The following FBN1 variants were observed in gnomAD, a reference collection of about 807,000 sequenced individuals.
FBN1 encodes fibrillin 1.
Under a neutral mutation model 365.1 loss-of-function variants are expected in FBN1, and 29 were observed. The ratio of observed to expected loss-of-function variants is 0.08; its 90% CI spans 0.06 to 0.11. The LOEUF is 0.11. FBN1 is among the 10% of genes least tolerant of loss of function. The pLI, the probability that FBN1 is intolerant of heterozygous loss-of-function variation, is 1.00. For synonymous variants in FBN1, 1,210 were observed against 1,270.5 expected, an observed-to-expected ratio of 0.95 and a Z score of 1.01; for missense variants, 2,476 against 3,703.2, an observed-to-expected ratio of 0.67 and a Z score of 8.60.
intron 2 of FBN1, among the ~76,000 whole-genome samples, chr15:48,627,817 C>G (rs1234969077): frequency 6.6e-6 from 1 of 152,176 alleles, no homozygotes; most frequent in Non-Finnish European, 1.5e-5. Context: ...CCTCTCAGCA[C>G]CCTTCCAGCT....
At chr15:48,466,855 T>C (rs1392159145) in intron 38 of FBN1, among the ~76,000 whole-genome samples, 1 of 152,082 alleles carries the variant, frequency 6.6e-6, no homozygotes, top group Non-Finnish European at 1.5e-5. Context: ...TTTTTGAATT[T>C]CTTCTTTCAT....
rs1354257178 is a variant in FBN1, at chr15:48,537,641, T to G, written c.706A>C (p.Ile236Leu). 6.2e-7 allele frequency: 1 copy of G among 1,614,114 alleles called. No homozygotes were observed. The highest frequency in any genetic ancestry group is 8.5e-7 in the Non-Finnish European group (1 of 1,180,042). The change falls in exon 7 of 66, where the codon ATT (isoleucine) becomes CTT (leucine). Residue 236 changes from isoleucine to leucine, a missense_variant. Physicochemically the swap from Ile to Leu is conservative, Grantham distance 5. Transcript: ENST00000316623. ...CAAGCTCCCGTGCGGATATTTGGAATGAAGCCACGGCGGCAGGGGTGAGGC... is the reference window on the plus strand; with the variant it reads ...CAAGCTCCCGTGCGGATATTTGGAAGGAAGCCACGGCGGCAGGGGTGAGGC... ...AQPHPCRRGF[I>L]PNIRTGACQD...
intron 6 of FBN1, among the ~76,000 whole-genome samples, chr15:48,575,150 G>T (rs1227798726): frequency 6.6e-6 from 1 of 152,202 alleles, no homozygotes; most frequent in African/African-American, 2.4e-5. Flanking sequence ...GATGGCCCCT[G>T]CCCACAATCA....
chr15:48,496,077 A>G (rs367624538), intron 20 of FBN1, 23 bp downstream of exon 20: 9 of 1,613,588 alleles, frequency 5.6e-6, no homozygotes, highest in Admixed American at 1.7e-5. Context: ...AGTACACAGT[A>G]TAAGAACAAA....
At chr15:48,550,237 G>A (rs554475754) in intron 6 of FBN1, among the ~76,000 whole-genome samples, 10 of 152,334 alleles carry the variant, frequency 6.6e-5, no homozygotes, top group Admixed American at 5.2e-4. Context: ...GCTTCAGCTA[G>A]GTTAGGAAGA....
In FBN1 at chr15:48,510,110, C is replaced by A; in HGVS notation, c.1648G>T (p.Asp550Tyr). 2 of 1,613,446 alleles carry A rather than the reference C, an allele frequency of 1.2e-6. No homozygotes were observed. Among genetic ancestry groups the A allele is most frequent in the Non-Finnish European group, 8.5e-7 (1 of 1,179,570 alleles). Residue 550 changes from aspartate to tyrosine, a missense_variant, in exon 14 of 66, where the codon GAT becomes TAT. Coordinates refer to ENST00000316623, the MANE Select transcript of FBN1 (RefSeq NM_000138.5). ...ICNNGRCINT[D>Y]GSFHCVCNAG... The stretch of plus-strand genomic sequence containing the variant: ...TTACACACGCAATGAAAACTGCCAT[C>A]TGTGTTGATGCAGCGTCCATTATTG...
Position 48,411,108 on chromosome 15 carries a change from C to G in FBN1, c.8498G>C (p.Ser2833Thr), listed in dbSNP as rs549604448. ...VAGTYSLQIS[S>T]TPLYKKKELN... ...TTCTTTCTTTTTATAAAGTGGAGTACTACTGATTTGTAATGAATAGGTTCC... is the reference window on the plus strand; with the variant it reads ...TTCTTTCTTTTTATAAAGTGGAGTAGTACTGATTTGTAATGAATAGGTTCC... The change falls in exon 66 of 66, where the codon AGT (serine) becomes ACT (threonine). Residue 2833 changes from serine (S) to threonine (T), a missense_variant. This residue lies in a region of FBN1 where 177 missense variants were observed against 192.7 expected (regional missense o/e 0.92). Transcript: ENST00000316623. The G allele has an allele frequency of 6.2e-7, 1 of 1,614,072 alleles. No individual in the cohort carries two copies. Among genetic ancestry groups the G allele is most frequent in the Non-Finnish European group, 8.5e-7 (1 of 1,180,006 alleles).
At chr15:48,619,437 CATCTG>C (rs1889724024) in intron 2 of FBN1, among the ~76,000 whole-genome samples, 1 of 152,022 alleles carries the variant, frequency 6.6e-6, no homozygotes, top group Non-Finnish European at 1.5e-5. Flanking sequence ...AGCCATGGTC[CATCTG>C]TTTCTCTCTC....
Position 48,624,596 on chromosome 15 carries a change from A to C in FBN1, c.165-11504T>G, listed in dbSNP as rs570064381. On this transcript the variant is annotated intron_variant, in intron 2 of 65. Coordinates refer to ENST00000316623, the MANE Select transcript of FBN1 (RefSeq NM_000138.5). Reference sequence around the variant, plus strand: ...CAAATGTTTGCTTCTGGAGCATCTGAGAGGATATGGCCAATGACACGATGA... The same window carrying C: ...CAAATGTTTGCTTCTGGAGCATCTGCGAGGATATGGCCAATGACACGATGA... 2.6e-5 allele frequency among the ~76,000 whole-genome samples: 4 copies of C among 152,350 alleles called. No homozygotes were observed. In the South Asian group the frequency reaches 8.3e-4, roughly 32 times the overall value.
chr15:48,505,125 A>G lies in FBN1; in HGVS notation c.1860T>C (p.Pro620=), dbSNP rs1555399834. 1.9e-6 allele frequency: 3 copies of G among 1,614,214 alleles called. No individual in the cohort carries two copies. The highest frequency in any genetic ancestry group is 2.5e-6 in the Non-Finnish European group (3 of 1,180,016). The change falls in exon 16 of 66, where the codon CCT becomes CCC. Residue 620 remains proline, a synonymous_variant. Coordinates refer to ENST00000316623, the MANE Select transcript of FBN1 (RefSeq NM_000138.5). ...CGCAACGCCCATTCATGCAGATCCC[A>G]GGGGTTTCACACTCGTTAATGTCTG... ...YCKDINECET[P]GICMNGRCVN...
chr15:48,480,039 C>G (rs1429543710), intron 32 of FBN1, among the ~76,000 whole-genome samples: 1 of 152,090 alleles, frequency 6.6e-6, no homozygotes, highest in Non-Finnish European at 1.5e-5. Context: ...TGTCATTTAC[C>G]TAAAACTACA....
chr15:48,597,855 A>G (rs1300263272), intron 5 of FBN1, among the ~76,000 whole-genome samples: 4 of 152,254 alleles, frequency 2.6e-5, no homozygotes, highest in African/African-American at 9.6e-5. Context: ...ACAGATGAGG[A>G]AGCTGAAGTT....
intron 2 of FBN1, among the ~76,000 whole-genome samples, chr15:48,617,052 T>A (rs1206552774): frequency 6.6e-6 from 1 of 152,226 alleles, no homozygotes; most frequent in Admixed American, 6.5e-5. Context: ...AAAAGTGTAC[T>A]TAGAGGACAA....
At chr15:48,453,444 A>C (rs1327269158) in intron 44 of FBN1, among the ~76,000 whole-genome samples, 1 of 152,170 alleles carries the variant, frequency 6.6e-6, no homozygotes, top group Non-Finnish European at 1.5e-5. Context: ...ATTCTGGAAA[A>C]GGCAAAACTC....
chr15:48,600,668 G>T (rs1430088410), intron 4 of FBN1, among the ~76,000 whole-genome samples: 2 of 152,118 alleles, frequency 1.3e-5, no homozygotes, highest in Non-Finnish European at 2.9e-5. Context: ...TCGCACCACT[G>T]TACTCCAGCC....
chr15:48,601,388 T>A (rs930635668), intron 4 of FBN1, among the ~76,000 whole-genome samples: 1 of 152,254 alleles, frequency 6.6e-6, no homozygotes, highest in Non-Finnish European at 1.5e-5. Flanking sequence ...TGTTGATACC[T>A]GCCTACACAT....
intron 4 of FBN1, among the ~76,000 whole-genome samples, chr15:48,603,886 A>C (rs1157370461): frequency 6.6e-6 from 1 of 152,194 alleles, no homozygotes; most frequent in Admixed American, 6.5e-5. Context: ...AAAGGGTTTC[A>C]TGTAAGGCTC....
At chr15:48,527,736 C>T (rs1265154276) in intron 8 of FBN1, among the ~76,000 whole-genome samples, 2 of 152,222 alleles carry the variant, frequency 1.3e-5, no homozygotes, top group Non-Finnish European at 2.9e-5. Flanking sequence ...ACCATTCTTC[C>T]ATGCTAGGCT....
At chr15:48,643,773 C>T (rs537437900) in intron 2 of FBN1, 2 of 152,246 alleles carry the variant, frequency 1.3e-5, no homozygotes, top group South Asian at 4.2e-4. Context: ...TCCATGGAGG[C>T]TTTAACTTAA....
Sources: allele counts gnomAD v4.1 joint callset (sites outside exome capture counted in the v4.1 genomes callset), GRCh38; gene constraint gnomAD v4.1.1; regional missense constraint gnomAD v4.1.1; transcripts MANE v1.5; gene names NCBI Gene and HGNC (gene_info 2026-07-23, HGNC 2026-07-21).